Variants in PCCA observed in about 807,000 individuals in gnomAD.
PCCA encodes the protein propionyl-CoA carboxylase subunit alpha.
PCCA carries 74 observed loss-of-function variants against 101.3 expected under a neutral mutation model. That is an observed-to-expected ratio of 0.73 (90% CI 0.61 to 0.89). The LOEUF is 0.89. Ranked by LOEUF, PCCA falls within the 40% of genes least tolerant of loss-of-function variation. The pLI, the probability that PCCA is intolerant of heterozygous loss-of-function variation, is 0.00. For missense variants in PCCA, 891 were observed against 907.0 expected, an observed-to-expected ratio of 0.98 and a Z score of 0.23; for synonymous variants, 294 against 313.6, an observed-to-expected ratio of 0.94 and a Z score of 0.66.
At chr13:100,365,454 A>T (rs1341881242) in intron 18 of PCCA, among the ~76,000 whole-genome samples, 1 of 152,228 alleles carries the variant, frequency 6.6e-6, no homozygotes, top group African/African-American at 2.4e-5. Context: ...GCAATGTTCC[A>T]ATGCCTCTGG....
chr13:100,143,756 GTTGT>G (rs2052199995), intron 4 of PCCA, among the ~76,000 whole-genome samples: 3 of 151,560 alleles, frequency 2.0e-5, no homozygotes, highest in Admixed American at 2.0e-4. Flanking sequence ...TTTTGTTGTT[GTTGT>G]TTGTTTGGTT....
chr13:100,337,993 T>G (rs1051016574), intron 17 of PCCA, among the ~76,000 whole-genome samples: 1 of 152,248 alleles, frequency 6.6e-6, no homozygotes, highest in African/African-American at 2.4e-5. Context: ...CATGAACTAC[T>G]AAACAGTTTC....
At chr13:100,469,503 G>A (rs1197862974) in intron 21 of PCCA, among the ~76,000 whole-genome samples, 1 of 152,066 alleles carries the variant, frequency 6.6e-6, no homozygotes, top group East Asian at 1.9e-4. Context: ...GTGTGGCCGG[G>A]CACGGTGGCT....
chr13:100,440,730 C>G (rs1220458430), intron 20 of PCCA, among the ~76,000 whole-genome samples: 1 of 151,426 alleles, frequency 6.6e-6, no homozygotes, highest in East Asian at 1.9e-4. Flanking sequence ...CATGTGATTT[C>G]TCTAGAATCA....
chr13:100,404,396 G>A (rs1391599893), intron 19 of PCCA, among the ~76,000 whole-genome samples: 3 of 152,118 alleles, frequency 2.0e-5, no homozygotes, highest in African/African-American at 7.2e-5. Context: ...ATGCATCTGA[G>A]GTGAGTGTAT....
intron 4 of PCCA, among the ~76,000 whole-genome samples, chr13:100,113,036 G>C (rs2048466451): frequency 6.6e-6 from 1 of 152,164 alleles, no homozygotes. Context: ...TTGATAATGG[G>C]ACCCTTTGGT....
chr13:100,473,529 C>A lies in PCCA; in HGVS notation c.1899+24224C>A, dbSNP rs1830158629. Among the ~76,000 whole-genome samples, 3 of 152,208 alleles carry A rather than the reference C, an allele frequency of 2.0e-5. No homozygotes were observed. The South Asian group carries it at 6.2e-4, about 31-fold the overall frequency. ...TTTTCTATTTCTTAGGTTACACTCT[C>A]TATAGTACATACACTCAGACAGAAA... On this transcript the variant is annotated intron_variant, in intron 21 of 23. Transcript: ENST00000376285.
chr13:100,090,539 C>T (rs902853677), intron 1 of PCCA, among the ~76,000 whole-genome samples: 2 of 152,028 alleles, frequency 1.3e-5, no homozygotes, highest in African/African-American at 4.8e-5. Flanking sequence ...TTTTTTTCAA[C>T]AAATATTTAC....
At chr13:100,448,004 A>G (rs2080960890) in intron 20 of PCCA, among the ~76,000 whole-genome samples, 1 of 152,198 alleles carries the variant, frequency 6.6e-6, no homozygotes, top group Admixed American at 6.5e-5. Flanking sequence ...CGTAATGCTC[A>G]TGGCATGTAG....
intron 4 of PCCA, among the ~76,000 whole-genome samples, chr13:100,115,497 A>G (rs1174887586): frequency 1.3e-5 from 2 of 152,188 alleles, no homozygotes; most frequent in African/African-American, 4.8e-5. Flanking sequence ...TGTGATTATT[A>G]TACATTGTAT....
intron 18 of PCCA, among the ~76,000 whole-genome samples, chr13:100,367,284 C>A (rs1413587264): frequency 6.6e-6 from 1 of 151,732 alleles, no homozygotes; most frequent in African/African-American, 2.4e-5. Context: ...AAGAAAAGAC[C>A]CGTATGATAA....
At chr13:100,501,403 T>A (rs1338923758) in intron 21 of PCCA, among the ~76,000 whole-genome samples, 1 of 152,162 alleles carries the variant, frequency 6.6e-6, no homozygotes, top group Non-Finnish European at 1.5e-5. Flanking sequence ...TTGTCTACTA[T>A]CAGAAAAGCC....
intron 5 of PCCA, 51 bp downstream of exon 5, chr13:100,155,143 G>A: frequency 8.7e-7 from 1 of 1,155,112 alleles, no homozygotes; most frequent in Non-Finnish European, 1.3e-6. Flanking sequence ...GTAGTGAGCA[G>A]AAAGCTAGAG....
intron 1 of PCCA, among the ~76,000 whole-genome samples, chr13:100,090,077 T>G (rs1483813710): frequency 6.6e-6 from 1 of 152,230 alleles, no homozygotes; most frequent in African/African-American, 2.4e-5. Flanking sequence ...TGTCAGCTGG[T>G]TCAGTGTGCT....
chr13:100,481,808 C>T (rs2083962710), intron 21 of PCCA, among the ~76,000 whole-genome samples: 1 of 152,068 alleles, frequency 6.6e-6, no homozygotes, highest in Non-Finnish European at 1.5e-5. Flanking sequence ...TGTTTCTGGA[C>T]CATGGTTGAC....
At chr13:100,448,579 T>C (rs1355381029) in intron 20 of PCCA, among the ~76,000 whole-genome samples, 1 of 152,206 alleles carries the variant, frequency 6.6e-6, no homozygotes. Flanking sequence ...GTAGCAGTAG[T>C]AGTTACTTTT....
In PCCA at chr13:100,167,815, G is replaced by T. The variant is rs2055202312; in HGVS notation, c.468+10475G>T. ...TTGGCACCCTTGCAGAAAAAGTAAT[G>T]GGACATACATGTGCGATCTCGGCTC... On this transcript the variant is annotated intron_variant, in intron 6 of 23. Coordinates refer to ENST00000376285, the MANE Select transcript of PCCA (RefSeq NM_000282.4). Among the ~76,000 whole-genome samples, 5 of 152,166 alleles carry T rather than the reference G, an allele frequency of 3.3e-5. No homozygotes were observed. The South Asian group carries it at 1.0e-3, about 32-fold the overall frequency.
At chr13:100,117,114 C>G (rs188867682) in intron 4 of PCCA, among the ~76,000 whole-genome samples, 5 of 152,250 alleles carry the variant, frequency 3.3e-5, no homozygotes, top group African/African-American at 1.2e-4. Context: ...TTGGTGTTTT[C>G]AGTCCATTTG....
intron 19 of PCCA, among the ~76,000 whole-genome samples, chr13:100,376,430 C>T (rs950580564): frequency 1.3e-5 from 2 of 152,240 alleles, no homozygotes; most frequent in African/African-American, 4.8e-5. Context: ...ACGCTTAAGT[C>T]TGCTGAAGCT....
Sources: gnomAD v4.1 joint callset for allele counts (sites outside exome capture counted in the v4.1 genomes callset) on GRCh38, gnomAD v4.1.1 for gene constraint, MANE v1.5 for transcripts, NCBI Gene and HGNC (gene_info 2026-07-23, HGNC 2026-07-21) for gene names.